Variants in MEF2A observed in about 807,000 individuals in gnomAD.
MEF2A encodes the protein myocyte enhancer factor 2A.
Under a neutral mutation model 55.8 loss-of-function variants are expected in MEF2A, and 28 were observed. The ratio of observed to expected loss-of-function variants is 0.50; its 90% confidence interval spans 0.37 to 0.69. The LOEUF (loss-of-function observed/expected upper bound fraction) is 0.69, where lower values mean the gene tolerates loss of function less well. Ranked by LOEUF, MEF2A falls within the 30% of genes least tolerant of loss-of-function variation. MEF2A has a pLI of 0.00. For synonymous variants in MEF2A, 239 were observed against 227.1 expected (o/e 1.05, Z -0.47); for missense variants, 528 against 626.2 (o/e 0.84, Z 1.67).
intron 3 of MEF2A, among the ~76,000 whole-genome samples, chr15:99,637,641 C>CTT (rs745441432): frequency 1.4e-5 from 2 of 146,126 alleles, no homozygotes; most frequent in East Asian, 2.0e-4. Flanking sequence ...TATTGTCTGT[C>CTT]TTTTTTTTTT....
At chr15:99,626,242 T>A (rs547468841) in intron 2 of MEF2A, among the ~76,000 whole-genome samples, 1 of 152,262 alleles carries the variant, frequency 6.6e-6, no homozygotes, top group Non-Finnish European at 1.5e-5. Flanking sequence ...TTATCCCAGT[T>A]GTTGGTATAT....
chr15:99,690,395 C>T lies in MEF2A; in HGVS notation c.825C>T (p.Ile275=). ...NSRKPDLRVV[I]PPSSKGMMPP... is the part of the protein sequence containing the mutation. ...GGAAACCAGATCTTCGAGTTGTCAT[C>T]CCCCCTTCAAGCAAGGGCATGATGC... Residue 275 remains isoleucine, a synonymous_variant, in exon 8 of 12, where the codon ATC becomes ATT. Transcript: ENST00000557942. The T allele has an allele frequency of 6.2e-7, 1 of 1,605,304 alleles. No individual in the cohort carries two copies. Among genetic ancestry groups the T allele is most frequent in the Non-Finnish European group, 8.5e-7 (1 of 1,174,278 alleles).
chr15:99,630,959 C>G (rs916162875), intron 2 of MEF2A, among the ~76,000 whole-genome samples: 4 of 152,186 alleles, frequency 2.6e-5, no homozygotes, highest in African/African-American at 9.7e-5. Flanking sequence ...GTTTTGGAAT[C>G]TACAGGCAGA....
Position 99,613,330 on chromosome 15 carries a change from T to A in MEF2A, c.-143+14819T>A, listed in dbSNP as rs114591710. Among the ~76,000 whole-genome samples the A allele has an allele frequency of 5.8e-3, 878 of 152,314 alleles. 6 individuals are homozygous for A. The highest frequency in any genetic ancestry group is 0.02 in the African/African-American group (843 of 41,568). On this transcript the variant is annotated intron_variant, in intron 2 of 11. Coordinates refer to ENST00000557942, the MANE Select transcript of MEF2A (RefSeq NM_001319206.4). ...TTAAATTGAGAACCACTGCATTAGA[T>A]CAGTGAGTTTTATTGATCCATTTAT...
intron 7 of MEF2A, among the ~76,000 whole-genome samples, chr15:99,681,534 G>C (rs756910505): frequency 1.3e-5 from 2 of 152,214 alleles, no homozygotes; most frequent in African/African-American, 4.8e-5. Flanking sequence ...CAGCATTCAT[G>C]CTTCATGAAG....
chr15:99,699,514 C>T (rs945623850), intron 8 of MEF2A, among the ~76,000 whole-genome samples: 1 of 152,112 alleles, frequency 6.6e-6, no homozygotes, highest in African/African-American at 2.4e-5. Context: ...GAAACTGTAC[C>T]TACAAAGAGT....
intron 1 of MEF2A, among the ~76,000 whole-genome samples, chr15:99,574,534 G>A (rs1318978533): frequency 6.6e-6 from 1 of 152,200 alleles, no homozygotes; most frequent in African/African-American, 2.4e-5. Flanking sequence ...GGGAGACAGT[G>A]ACTGATGATC....
intron 7 of MEF2A, among the ~76,000 whole-genome samples, chr15:99,679,918 A>G (rs1007497800): frequency 1.3e-5 from 2 of 152,234 alleles, no homozygotes; most frequent in East Asian, 1.9e-4. Flanking sequence ...GAGAAAATGT[A>G]TAGACACTCA....
chr15:99,681,123 A>T (rs1468267640), intron 7 of MEF2A, among the ~76,000 whole-genome samples: 2 of 152,224 alleles, frequency 1.3e-5, no homozygotes, highest in Non-Finnish European at 2.9e-5. Flanking sequence ...ATAAAGTCAG[A>T]TATCCAACAA....
chr15:99,691,233 T>C (rs530716549), intron 8 of MEF2A, among the ~76,000 whole-genome samples: 1 of 150,252 alleles, frequency 6.7e-6, no homozygotes, highest in East Asian at 2.0e-4. Context: ...AGGAAACCCC[T>C]CGAATGAGTT....
At chr15:99,653,159 A>G (rs1373484725) in intron 4 of MEF2A, among the ~76,000 whole-genome samples, 3 of 152,166 alleles carry the variant, frequency 2.0e-5, no homozygotes, top group Non-Finnish European at 4.4e-5. Flanking sequence ...GTGTTTCTCA[A>G]TGTTCTGTGT....
At chr15:99,686,792 T>C (rs2054313924) in intron 7 of MEF2A, among the ~76,000 whole-genome samples, 2 of 152,232 alleles carry the variant, frequency 1.3e-5, no homozygotes, top group African/African-American at 4.8e-5. Flanking sequence ...TTTCCTCAAT[T>C]ATTTTCTCAA....
chr15:99,569,727 A>G (rs760599514), intron 1 of MEF2A, among the ~76,000 whole-genome samples: 1 of 152,212 alleles, frequency 6.6e-6, no homozygotes, highest in Non-Finnish European at 1.5e-5. Context: ...GTATTTTAAA[A>G]TAGCTTAATT....
Position 99,706,852 on chromosome 15 carries a change from A to G in MEF2A, c.1006A>G (p.Thr336Ala). ...VYSAMPTAYN[T>A]DYSLTSADLS... Reference sequence around the variant, plus strand: ...CTCAGCAATGCCGACTGCCTACAACACTGGTGAGCCTGCTCTGGTGCCTTC... The same window carrying G: ...CTCAGCAATGCCGACTGCCTACAACGCTGGTGAGCCTGCTCTGGTGCCTTC... The change falls in exon 10 of 12, where the codon ACT becomes GCT. Residue 336 changes from threonine (T) to alanine (A), a missense_variant. Physicochemically the swap from Thr to Ala is moderately conservative, Grantham distance 58. Transcript: ENST00000557942. 6.2e-7 allele frequency: 1 copy of G among 1,613,514 alleles called. No homozygotes were observed. The highest frequency in any genetic ancestry group is 8.5e-7 in the Non-Finnish European group (1 of 1,179,704).
At chr15:99,701,576 G>C (rs767888497) in intron 8 of MEF2A, among the ~76,000 whole-genome samples, 4 of 152,130 alleles carry the variant, frequency 2.6e-5, no homozygotes, top group African/African-American at 9.7e-5. Flanking sequence ...AGCTTTAATT[G>C]GTGCTGTATT....
At chr15:99,671,747 C>G in intron 5 of MEF2A, 2 of 1,288,022 alleles carry the variant, frequency 1.6e-6, no homozygotes, top group Non-Finnish European at 2.0e-6. Flanking sequence ...TGGGTGATGA[C>G]AACAATAAGT....
intron 8 of MEF2A, among the ~76,000 whole-genome samples, chr15:99,692,850 G>T (rs2055754285): frequency 6.6e-6 from 1 of 152,182 alleles, no homozygotes; most frequent in African/African-American, 2.4e-5. Flanking sequence ...CACTCTTAGG[G>T]CACTGTTGAA....
intron 1 of MEF2A, among the ~76,000 whole-genome samples, chr15:99,567,226 C>G (rs541614113): frequency 6.6e-6 from 1 of 152,152 alleles, no homozygotes; most frequent in African/African-American, 2.4e-5. Context: ...CCAATAAATG[C>G]CCTATTAGAA....
intron 7 of MEF2A, among the ~76,000 whole-genome samples, chr15:99,688,045 T>C (rs900333828): frequency 6.6e-6 from 1 of 152,260 alleles, no homozygotes; most frequent in African/African-American, 2.4e-5. Context: ...CTATTCTGAA[T>C]ATTTTGTTCT....
Sources: allele counts gnomAD v4.1 joint callset (sites outside exome capture counted in the v4.1 genomes callset), GRCh38; gene constraint gnomAD v4.1.1; transcripts MANE v1.5; gene names NCBI Gene and HGNC (gene_info 2026-07-23, HGNC 2026-07-21).